The following JAK1 variants were observed in gnomAD, a reference collection of about 807,000 sequenced individuals.
JAK1 encodes Janus kinase 1, also known as tyrosine-protein kinase JAK1.
JAK1 carries 16 observed loss-of-function variants against 136.6 expected under a neutral mutation model. The observed-to-expected ratio is 0.12, with a 90% CI of 0.08 to 0.18. JAK1 has a LOEUF of 0.18. Ranked by LOEUF, JAK1 falls within the 10% of genes least tolerant of loss-of-function variation. The pLI, the probability that JAK1 is intolerant of heterozygous loss-of-function variation, is 1.00. For synonymous variants in JAK1, 492 were observed against 519.5 expected (o/e 0.95, Z 0.72); for missense variants, 859 against 1,450.1 (o/e 0.59, Z 6.62).
At chr1:64,920,833 C>T (rs1645482209) in intron 1 of JAK1, among the ~76,000 whole-genome samples, 1 of 152,150 alleles carries the variant, frequency 6.6e-6, no homozygotes, top group African/African-American at 2.4e-5. Context: ...TTCCTGCTTA[C>T]TGATTCACTG....
chr1:64,950,703 T>C (rs1224325924), intron 1 of JAK1, among the ~76,000 whole-genome samples: 1 of 152,204 alleles, frequency 6.6e-6, no homozygotes, highest in Non-Finnish European at 1.5e-5. Flanking sequence ...TAATTTCTCT[T>C]AAATAACCTC....
At chr1:64,989,364 T>TAAATA (rs1557745819) in intron 2 of JAK1, 1 of 149,804 alleles carries the variant, frequency 6.7e-6, no homozygotes, top group African/African-American at 2.5e-5. Context: ...AATAAATAAA[T>TAAATA]AAATAAAATA....
At chr1:65,021,491 A>T (rs868363509) in intron 2 of JAK1, among the ~76,000 whole-genome samples, 8 of 152,134 alleles carry the variant, frequency 5.3e-5, no homozygotes, top group Non-Finnish European at 1.0e-4. Context: ...TATTTTCCAA[A>T]GTAGATTTGG....
At position 64,966,489 on chromosome 1, in the gene JAK1, GCC is replaced by G. The variant is rs1418768096; in HGVS notation, c.-236_-235del. 2 of 150,772 alleles carry G rather than the reference GCC, an allele frequency of 1.3e-5. No individual in the cohort carries two copies. Among genetic ancestry groups the G allele is most frequent in the Non-Finnish European group, 3.0e-5 (2 of 67,572 alleles). 9.3% of individuals were successfully genotyped at this position (150,772 alleles called of 1,614,324 possible). Reference sequence around the variant, plus strand: ...CGAGGACAGCCGGGACTGGGCGCAGGCCCGCACTGTCTGCAGCTCCAGGATAC... The same window carrying G: ...CGAGGACAGCCGGGACTGGGCGCAGGCGCACTGTCTGCAGCTCCAGGATAC... On this transcript the variant is annotated 5_prime_UTR_variant, in exon 1 of 25. Transcript: ENST00000342505.
At chr1:65,051,212 AATG>A (rs1483548624) in intron 1 of JAK1, among the ~76,000 whole-genome samples, 4 of 152,002 alleles carry the variant, frequency 2.6e-5, no homozygotes, top group South Asian at 2.1e-4. Flanking sequence ...GAAATTAGTG[AATG>A]ATGATAAGTG....
chr1:64,989,405 A>G (rs1646634220), intron 2 of JAK1: 1 of 152,066 alleles, frequency 6.6e-6, no homozygotes, highest in African/African-American at 2.4e-5. Context: ...GTTTTGTGGC[A>G]TTTTTATTTG....
chr1:64,956,441 T>C (rs1466053471), intron 1 of JAK1, among the ~76,000 whole-genome samples: 1 of 152,194 alleles, frequency 6.6e-6, no homozygotes, highest in African/African-American at 2.4e-5. Context: ...TTACAGATCA[T>C]TGCACTGCCT....
chr1:65,030,973 G>A (rs985296965), intron 2 of JAK1, among the ~76,000 whole-genome samples: 8 of 151,940 alleles, frequency 5.3e-5, no homozygotes, highest in African/African-American at 1.9e-4. Flanking sequence ...AGACAACACG[G>A]CAACACCCCA....
intron 1 of JAK1, among the ~76,000 whole-genome samples, chr1:64,954,169 C>G (rs1299731247): frequency 6.6e-6 from 1 of 152,176 alleles, no homozygotes; most frequent in Non-Finnish European, 1.5e-5. Flanking sequence ...GAAAAAGTCT[C>G]TTTGAAGAGT....
In JAK1 at chr1:64,864,916, T is replaced by A; in HGVS notation, c.1047A>T (p.Lys349Asn). The change falls in exon 8 of 25, where the codon AAA becomes AAT. Residue 349 changes from lysine to asparagine, a missense_variant. Lys to Asn is a moderately conservative substitution (Grantham distance 94). Coordinates refer to ENST00000342505, the MANE Select transcript of JAK1 (RefSeq NM_002227.4). ...NKLKRKKLEN[K>N]HKKDEEKNKI... Reference sequence around the variant, plus strand: ...TGTTTTTCTCCTCATCCTTCTTGTGTTTATTTTCCAGTTTTTTCCGCTTCA... The same window carrying A: ...TGTTTTTCTCCTCATCCTTCTTGTGATTATTTTCCAGTTTTTTCCGCTTCA... 6.2e-7 allele frequency: 1 copy of A among 1,613,920 alleles called. No individual in the cohort carries two copies. The highest frequency in any genetic ancestry group is 1.3e-5 in the African/African-American group (1 of 75,034).
intron 17 of JAK1, 115 bp from the exon 18 acceptor site, chr1:64,841,716 G>A: frequency 9.5e-7 from 1 of 1,057,842 alleles, no homozygotes; most frequent in Non-Finnish European, 1.4e-6. Flanking sequence ...TCCACTTACA[G>A]GTAGATTTCG....
At chr1:64,895,567 C>A (rs993988311) in intron 1 of JAK1, among the ~76,000 whole-genome samples, 4 of 152,222 alleles carry the variant, frequency 2.6e-5, no homozygotes, top group Non-Finnish European at 5.9e-5. Context: ...TTGGTTACCA[C>A]AAGATTACTT....
chr1:65,013,248 T>G (rs749078537), intron 2 of JAK1, among the ~76,000 whole-genome samples: 4 of 150,796 alleles, frequency 2.7e-5, no homozygotes, highest in Non-Finnish European at 4.4e-5. Context: ...ATATAAAAAA[T>G]TAGCCGGGCG....
At chr1:65,052,507 G>A (rs1013955013) in intron 1 of JAK1, among the ~76,000 whole-genome samples, 8 of 151,698 alleles carry the variant, frequency 5.3e-5, no homozygotes, top group East Asian at 1.9e-4. Flanking sequence ...GTGAAACCCC[G>A]CCCCTACTAA....
At chr1:65,059,280 C>T (rs1445632828) in intron 1 of JAK1, among the ~76,000 whole-genome samples, 1 of 152,158 alleles carries the variant, frequency 6.6e-6, no homozygotes, top group Non-Finnish European at 1.5e-5. Context: ...TGTCCAACTC[C>T]ATCAACTGGA....
At chr1:64,985,851 C>T (rs1557743642) in intron 2 of JAK1, 1 of 615,050 alleles carries the variant, frequency 1.6e-6, no homozygotes, top group Non-Finnish European at 3.0e-6. Context: ...GACAAACAGT[C>T]CAACAGAAAA....
At chr1:64,893,128 T>C (rs1426108945) in intron 1 of JAK1, among the ~76,000 whole-genome samples, 1 of 151,460 alleles carries the variant, frequency 6.6e-6, no homozygotes, top group Non-Finnish European at 1.5e-5. Flanking sequence ...AGAGGAAAGG[T>C]ACAGCTGTTC....
chr1:65,019,614 T>C (rs7536554), intron 2 of JAK1, among the ~76,000 whole-genome samples: 1,648 of 152,128 alleles, frequency 0.011, 23 homozygotes, highest in African/African-American at 0.037. Context: ...AATAGCGAAG[T>C]TGCTATGTCA....
upstream of JAK1, among the ~76,000 whole-genome samples, chr1:64,968,510 T>G (rs535204792): frequency 3.2e-4 from 49 of 152,278 alleles, no homozygotes; most frequent in African/African-American, 1.1e-3. Flanking sequence ...ATATGCTGGC[T>G]GGGTGTGGCG....
Sources: allele counts gnomAD v4.1 joint callset (sites outside exome capture counted in the v4.1 genomes callset), GRCh38; gene constraint gnomAD v4.1.1; transcripts MANE v1.5; gene names NCBI Gene and HGNC (gene_info 2026-07-23, HGNC 2026-07-21).